CYP2D6: variants seen among roughly 807,000 people sequenced by gnomAD.
CYP2D6 encodes the protein cytochrome P450 2D6.
In CYP2D6, 51 loss-of-function variants were observed where a neutral mutation model predicts 43.5. That is an observed-to-expected ratio of 1.17 (90% CI 0.94 to 1.48). The LOEUF (loss-of-function observed/expected upper bound fraction) is 1.48, where lower values mean the gene tolerates loss of function less well. Among genes scored for constraint, CYP2D6 ranks in the 40% most tolerant of loss-of-function variants. CYP2D6 has a pLI of 0.00. For missense variants in CYP2D6, 698 were observed against 688.0 expected (o/e 1.01, Z -0.16); for synonymous variants, 346 against 297.1 (o/e 1.16, Z -1.69).
In CYP2D6 at chr22:42,130,569, G is replaced by A. The variant is rs1080997; in HGVS notation, c.180+43C>T. On this transcript the variant is annotated intron_variant, in intron 1 of 8. Transcript: ENST00000645361. ...CCATCCATGTTTGCTTCTGGTAGGGGAGCCTCAGCACCTCTGCCGCCCTCC... is the reference window on the plus strand; with the variant it reads ...CCATCCATGTTTGCTTCTGGTAGGGAAGCCTCAGCACCTCTGCCGCCCTCC... The A allele has an allele frequency of 4.2e-6, 5 of 1,177,654 alleles. No homozygotes were observed. In the South Asian group the frequency reaches 4.3e-5, roughly 10 times the overall value. The allele number at this position is 1,177,654 out of a possible 1,614,324, so 73.0% of individuals were successfully genotyped here. A position where few individuals can be genotyped will look rare whatever the true frequency, so the allele number is the denominator to read the frequency against.
At position 42,130,681 on chromosome 22, in the gene CYP2D6, G is replaced by T. The variant is rs149136787; in HGVS notation, c.111C>A (p.Pro37=). ...QRWAARYPPG[P]LPLPGLGNLL... ...GGTTGCCCAGCCCGGGCAGTGGCAG[G>T]GGGCCTGGTGGGTAGCGTGCAGCCC... Residue 37 remains proline (P), a synonymous_variant, in exon 1 of 9, where the codon CCC becomes CCA. Coordinates refer to ENST00000645361, the MANE Select transcript of CYP2D6 (RefSeq NM_000106.6). 33 of 1,607,896 alleles carry T rather than the reference G, an allele frequency of 2.1e-5. No homozygotes were observed. The highest frequency in any genetic ancestry group is 2.6e-5 in the Non-Finnish European group (31 of 1,176,916).
chr22:42,129,562 C>T (rs1461531862), intron 2 of CYP2D6, among the ~76,000 whole-genome samples, 176 bp downstream of exon 2: 1 of 151,502 alleles, frequency 6.6e-6, no homozygotes, highest in Non-Finnish European at 1.5e-5. Context: ...CGTCACAAGC[C>T]CCGCCCTCGT....
At chr22:42,129,327 C>T in intron 2 of CYP2D6, 142 bp from the exon 3 acceptor site, 4 of 1,136,822 alleles carry the variant, frequency 3.5e-6, no homozygotes, top group Non-Finnish European at 5.1e-6. Flanking sequence ...CTTTGTGCAT[C>T]CACCTTGCTC....
rs374616348 is a variant in CYP2D6 at position 42,129,183 on chromosome 22, C to T, written c.355G>A (p.Val119Met). The change falls in exon 3 of 9, where the codon GTG becomes ATG. Residue 119 changes from valine (V) to methionine (M), a missense_variant and splice_region_variant. By Grantham distance (21) the Val-to-Met change is conservative. Coordinates refer to ENST00000645361, the MANE Select transcript of CYP2D6 (RefSeq NM_000106.6). ...GCGGGCCCATAGCGCGCCAGGAACA[C>T]CCCTGGGGGTGGGACGGGCACGTGC... ...ILGFGPRSQG[V>M]FLARYGPAWR... The T allele has an allele frequency of 2.7e-5, 44 of 1,603,998 alleles. 3 individuals carry two copies. The African/African-American group carries it at 4.2e-4, about 15-fold the overall frequency.
chr22:42,129,607 C>T, intron 2 of CYP2D6, 131 bp downstream of exon 2: 2 of 1,278,080 alleles, frequency 1.6e-6, no homozygotes, highest in South Asian at 1.3e-5. Context: ...CAGGTGGTTT[C>T]TTGGCCCGCT....
At chr22:42,129,304 C>T (rs1319735375) in intron 2 of CYP2D6, 119 bp from the exon 3 acceptor site, 2 of 1,285,928 alleles carry the variant, frequency 1.6e-6, no homozygotes, top group South Asian at 1.3e-5. Flanking sequence ...TCCAGCTGGT[C>T]ACAGGGCCCA....
rs267608309 is a variant in CYP2D6, at chr22:42,129,821, G to A, written c.269C>T (p.Ala90Val). 17 of 1,601,848 alleles carry A rather than the reference G, an allele frequency of 1.1e-5. 1 individual carries two copies. The East Asian group carries it at 1.6e-4, about 15-fold the overall frequency. Residue 90 changes from alanine (A) to valine (V), a missense_variant, in exon 2 of 9, where the codon GCG becomes GTG. Coordinates refer to ENST00000645361, the MANE Select transcript of CYP2D6 (RefSeq NM_000106.6). ...GGTGTCCTCGCCGTGGGTCACCAGC[G>A]CCTCGCGCACGGCCGCCAGCCCATT... is the stretch of plus-strand genomic sequence containing the variant. Reference protein sequence around the residue: ...VLNGLAAVREALVTHGEDTAD... With the variant: ...VLNGLAAVREVLVTHGEDTAD...
At chr22:42,129,240 C>T in intron 2 of CYP2D6, 55 bp from the exon 3 acceptor site, 1 of 1,578,716 alleles carries the variant, frequency 6.3e-7, no homozygotes, top group Non-Finnish European at 8.6e-7. Context: ...CCCCACCATC[C>T]ACCACCCACT....
At position 42,129,683 on chromosome 22, in the gene CYP2D6, GTCA is replaced by G. The variant is rs1301211221; in HGVS notation, c.352+52_352+54del. 38 of 1,600,732 alleles carry G rather than the reference GTCA, an allele frequency of 2.4e-5. 1 individual carries two copies. In the African/African-American group the frequency reaches 4.4e-4, roughly 19 times the overall value. Reference sequence around the variant, plus strand: ...CCCTCTCTGCCCAGCTCGGACTACGGTCATCACCCACCCGGGTCCCACGGAAAT... The same window carrying G: ...CCCTCTCTGCCCAGCTCGGACTACGGTCACCCACCCGGGTCCCACGGAAAT... On this transcript the variant is annotated intron_variant, in intron 2 of 8. Transcript: ENST00000645361.
rs187203531 is a variant in CYP2D6, at chr22:42,128,071, C to G, written c.844-88G>C. 10,240 of 1,594,362 alleles carry G rather than the reference C, an allele frequency of 6.4e-3. 351 individuals are homozygous for G. The highest frequency in any genetic ancestry group is 8.0e-3 in the Non-Finnish European group (9,376 of 1,165,870). On this transcript the variant is annotated intron_variant, in intron 5 of 8. Coordinates refer to ENST00000645361, the MANE Select transcript of CYP2D6 (RefSeq NM_000106.6). Reference sequence around the variant, plus strand: ...TGCACCTGTCAGCCCAGATGCGGCTCGCCGGGTGATGCACTGGTCCAACCT... The same window carrying G: ...TGCACCTGTCAGCCCAGATGCGGCTGGCCGGGTGATGCACTGGTCCAACCT...
intron 4 of CYP2D6, 113 bp from the exon 5 acceptor site, chr22:42,128,463 G>T (rs907060488): frequency 4.0e-6 from 5 of 1,261,920 alleles, no homozygotes; most frequent in African/African-American, 3.0e-5. Flanking sequence ...CCTTACCACT[G>T]ACCTCACCAA....
At position 42,129,190 on chromosome 22, in the gene CYP2D6, G is replaced by T. The variant is rs767255540; in HGVS notation, c.353-5C>A. 6.2e-6 allele frequency: 10 copies of T among 1,602,530 alleles called. No individual in the cohort carries two copies. Among genetic ancestry groups the T allele is most frequent in the South Asian group, 4.4e-5 (4 of 90,814 alleles). ...CATAGCGCGCCAGGAACACCCCTGG[G>T]GGTGGGACGGGCACGTGCGCGTGGC... On this transcript the variant is annotated splice_region_variant and splice_polypyrimidine_tract_variant and intron_variant, in intron 2 of 8. Transcript: ENST00000645361.
chr22:42,130,715 C>T lies in CYP2D6; in HGVS notation c.77G>A (p.Arg26His), dbSNP rs28371696. 2,427 of 1,602,016 alleles carry T rather than the reference C, an allele frequency of 1.5e-3. 114 individuals are homozygous for T. The African/African-American group carries it at 0.018, about 12-fold the overall frequency. The change falls in exon 1 of 9, where the codon CGC (arginine) becomes CAC (histidine). Residue 26 changes from arginine to histidine, a missense_variant. Around this residue, in one of 5 missense-constraint regions of CYP2D6, gnomAD observed 588 missense variants for 521.1 expected, o/e 1.13. Coordinates refer to ENST00000645361, the MANE Select transcript of CYP2D6 (RefSeq NM_000106.6). ...FLLLVDLMHR[R>H]QRWAARYPPG... ...TGGGTAGCGTGCAGCCCAGCGTTGG[C>T]GCCGGTGCATCAGGTCCACCAGGAG...
At position 42,128,851 on chromosome 22, in the gene CYP2D6, G is replaced by T. The variant is rs1394681715; in HGVS notation, c.599C>A (p.Pro200His). 4.4e-6 allele frequency: 7 copies of T among 1,605,974 alleles called. No homozygotes were observed. Among genetic ancestry groups the T allele is most frequent in the Admixed American group, 1.7e-5 (1 of 59,292 alleles). ...TCGRRFEYDD[P>H]RFLRLLDLAQ... is the part of the protein sequence containing the mutation. The stretch of plus-strand genomic sequence containing the variant: ...TAGGTCCAGCAGCCTGAGGAAGCGA[G>T]GGTCGTCGTACTCGAAGCGGCGCCC... Residue 200 changes from proline (P) to histidine (H), a missense_variant, in exon 4 of 9, where the codon CCT becomes CAT. Pro to His is a moderately conservative substitution (Grantham distance 77, BLOSUM62 -2). This residue lies in a region of CYP2D6 where 588 missense variants were observed against 521.1 expected (regional missense o/e 1.13). Coordinates refer to ENST00000645361, the MANE Select transcript of CYP2D6 (RefSeq NM_000106.6).
rs752739503 is a variant in CYP2D6 at position 42,126,748 on chromosome 22, G to A, written c.1320C>T (p.Arg440=). ...PEAFLPFSAG[R]RACLGEPLAR... is the part of the protein sequence containing the mutation. The stretch of plus-strand genomic sequence containing the variant: ...CCAGGGGCTCCCCGAGGCATGCACG[G>A]CGGCCTGTGGGGAGGGGAGGGGCGT... The change falls in exon 9 of 9, where the codon CGC becomes CGT. Residue 440 remains arginine, a synonymous_variant. Transcript: ENST00000645361. 9 of 1,549,914 alleles carry A rather than the reference G, an allele frequency of 5.8e-6. No individual in the cohort carries two copies. The African/African-American group carries it at 8.3e-5, about 14-fold the overall frequency.
At position 42,129,424 on chromosome 22, in the gene CYP2D6, C is replaced by A. The variant is rs573143589; in HGVS notation, c.353-239G>T. The stretch of plus-strand genomic sequence containing the variant: ...CAGGGAAGACCCCGCGGGCCCCGCG[C>A]CACCCACACTGAGCTTACAGCACAG... On this transcript the variant is annotated intron_variant, in intron 2 of 8. Transcript: ENST00000645361. The A allele has an allele frequency of 1.0e-5, 8 of 767,890 alleles. No homozygotes were observed. In the Admixed American group the frequency reaches 1.4e-4, roughly 14 times the overall value. 47.6% of individuals were successfully genotyped at this position (767,890 alleles called of 1,614,324 possible).
chr22:42,129,608 T>C (rs2146940290), intron 2 of CYP2D6, 130 bp downstream of exon 2: 1 of 1,284,500 alleles, frequency 7.8e-7, no homozygotes, highest in South Asian at 1.3e-5. Context: ...AGGTGGTTTC[T>C]TGGCCCGCTG....
At chr22:42,128,133 A>C (rs1931250929) in intron 5 of CYP2D6, 41 bp downstream of exon 5, 1 of 1,584,788 alleles carries the variant, frequency 6.3e-7, no homozygotes, top group South Asian at 1.1e-5. Context: ...TGGGACGCTC[A>C]ACCCACCACC....
At position 42,129,013 on chromosome 22, in the gene CYP2D6, C is replaced by T. The variant is rs773482569; in HGVS notation, c.505+20G>A. On this transcript the variant is annotated intron_variant, in intron 3 of 8. Transcript: ENST00000645361. Reference sequence around the variant, plus strand: ...CCGCCTTCCCAGTTCCCGCTTTGTGCCCTTCTGCCCATCACCCACCGGAGT... The same window carrying T: ...CCGCCTTCCCAGTTCCCGCTTTGTGTCCTTCTGCCCATCACCCACCGGAGT... The T allele has an allele frequency of 3.7e-6, 6 of 1,600,102 alleles. No homozygotes were observed. The African/African-American group carries it at 8.1e-5, about 22-fold the overall frequency.
Sources: gnomAD v4.1 joint callset for allele counts (sites outside exome capture counted in the v4.1 genomes callset) on GRCh38, gnomAD v4.1.1 for gene constraint, gnomAD v4.1.1 regional missense constraint, MANE v1.5 for transcripts, NCBI Gene and HGNC (gene_info 2026-07-23, HGNC 2026-07-21) for gene names.